Variants in DIP2A observed in about 807,000 individuals in gnomAD.
DIP2A encodes the protein disco-interacting protein 2 homolog A.
A neutral mutation model predicts 177.4 loss-of-function variants in DIP2A; 85 were observed. The ratio of observed to expected loss-of-function variants is 0.48; its 90% confidence interval spans 0.40 to 0.57. DIP2A has a LOEUF of 0.57. Among genes scored for constraint, DIP2A ranks in the 20% least tolerant of loss-of-function variants. The pLI is 0.00. For missense variants in DIP2A, 1,791 were observed against 2,100.2 expected (o/e 0.85, Z 2.88); for synonymous variants, 886 against 881.8 (o/e 1.00, Z -0.08).
rs1259873835 is a variant in DIP2A, at chr21:46,569,862, A to G, written c.*2240A>G. The G allele has an allele frequency of 6.6e-6, 1 of 152,212 alleles. No individual in the cohort carries two copies. The highest frequency in any genetic ancestry group is 6.5e-5 in the Admixed American group (1 of 15,280). The allele number at this position is 152,212 out of a possible 1,614,324, so 9.4% of individuals were successfully genotyped here. ...ATAAAGAAAATTAAAATTTCTTATA[A>G]TTCTACCTCTGAGTAAACAGCAGCA... On this transcript the variant is annotated 3_prime_UTR_variant, in exon 38 of 38. Transcript: ENST00000417564.
intron 3 of DIP2A, among the ~76,000 whole-genome samples, chr21:46,496,407 T>C (rs189973165): frequency 3.9e-5 from 6 of 152,350 alleles, no homozygotes; most frequent in Admixed American, 3.9e-4. Context: ...TAGATATTTC[T>C]GGAAGTAGAG....
intron 1 of DIP2A, among the ~76,000 whole-genome samples, chr21:46,482,913 A>G (rs950079243): frequency 1.3e-5 from 2 of 152,202 alleles, no homozygotes; most frequent in African/African-American, 4.8e-5. Flanking sequence ...TGCCTTCTAA[A>G]CCTTAAAAAG....
At chr21:46,512,639 T>C (rs200621105) in intron 8 of DIP2A, among the ~76,000 whole-genome samples, 1 of 1,164 alleles carries the variant, frequency 8.6e-4, no homozygotes, top group East Asian at 0.029. Flanking sequence ...CTTTCTTTTT[T>C]ATTTTTTTTC....
rs544183057 is a variant in DIP2A, at chr21:46,554,379, G to T, written c.3154+87G>T. On this transcript the variant is annotated intron_variant, in intron 26 of 37. Transcript: ENST00000417564. Reference sequence around the variant, plus strand: ...GCCCCCTAGACACTCCCTCCCCGAAGCATCTTCCAAAACTAAGCTCAGCCC... The same window carrying T: ...GCCCCCTAGACACTCCCTCCCCGAATCATCTTCCAAAACTAAGCTCAGCCC... 28 of 1,569,894 alleles carry T rather than the reference G, an allele frequency of 1.8e-5. No homozygotes were observed. In the South Asian group the frequency reaches 2.0e-4, roughly 11 times the overall value.
At chr21:46,494,328 A>G (rs1485788415) in intron 3 of DIP2A, among the ~76,000 whole-genome samples, 3 of 152,184 alleles carry the variant, frequency 2.0e-5, no homozygotes, top group African/African-American at 4.8e-5. Flanking sequence ...CATGCTTTTT[A>G]GGTCACTAGG....
At chr21:46,520,238 T>C (rs1374509461) in intron 8 of DIP2A, among the ~76,000 whole-genome samples, 1 of 152,180 alleles carries the variant, frequency 6.6e-6, no homozygotes, top group African/African-American at 2.4e-5. Context: ...TGTTAAAAGC[T>C]GTAAATAGCT....
chr21:46,515,533 G>T (rs1329366353), intron 8 of DIP2A, among the ~76,000 whole-genome samples: 2 of 151,038 alleles, frequency 1.3e-5, no homozygotes, highest in African/African-American at 4.9e-5. Flanking sequence ...TACTACCATT[G>T]TGTGTATTTA....
At chr21:46,528,831 G>A (rs2059235663) in intron 8 of DIP2A, among the ~76,000 whole-genome samples, 1 of 151,618 alleles carries the variant, frequency 6.6e-6, no homozygotes, top group Non-Finnish European at 1.5e-5. Context: ...ACCTGCCTCT[G>A]CTGGCTCTTC....
chr21:46,576,593 A>G, the DIP2A span, among the ~76,000 whole-genome samples: 3 of 152,178 alleles, frequency 2.0e-5, no homozygotes, highest in African/African-American at 4.8e-5. Flanking sequence ...ATACATGTGC[A>G]TATATTTTTG....
rs759016354 is a variant in DIP2A at position 46,565,861 on chromosome 21, G to T, written c.4313G>T (p.Arg1438Leu). The T allele has an allele frequency of 6.2e-6, 10 of 1,613,806 alleles. No individual in the cohort carries two copies. The highest frequency in any genetic ancestry group is 8.5e-6 in the Non-Finnish European group (10 of 1,179,896). The part of the protein sequence containing the change: ...ARTGYLGFLR[R>L]TELTDASGGR... ...ACCGGCTACCTTGGCTTCCTTCGGC[G>T]AACAGAGCTCACTGATGCCAGTGGA... The change falls in exon 36 of 38, where the codon CGA (arginine) becomes CTA (leucine). Residue 1438 changes from arginine (R) to leucine (L), a missense_variant. Coordinates refer to ENST00000417564, the MANE Select transcript of DIP2A (RefSeq NM_015151.4).
intron 9 of DIP2A, 57 bp downstream of exon 9, chr21:46,529,240 C>A: frequency 9.4e-7 from 1 of 1,059,832 alleles, no homozygotes; most frequent in South Asian, 1.5e-5. Flanking sequence ...CTTAAATAAT[C>A]TGTTTCATTG....
At chr21:46,495,229 CT>C (rs1313144772) in intron 3 of DIP2A, among the ~76,000 whole-genome samples, 768 of 66,164 alleles carry the variant, frequency 0.012, 1 homozygote, top group African/African-American at 0.021. Context: ...CTTCTCTTCT[CT>C]TCTCTTCTCT....
At chr21:46,540,368 G>A (rs2059763801) in intron 17 of DIP2A, among the ~76,000 whole-genome samples, 1 of 152,128 alleles carries the variant, frequency 6.6e-6, no homozygotes, top group Non-Finnish European at 1.5e-5. Flanking sequence ...GAAGCACCCG[G>A]CCTGGTGCTT....
At chr21:46,459,953 G>A (rs556057997) in intron 1 of DIP2A, among the ~76,000 whole-genome samples, 1 of 152,118 alleles carries the variant, frequency 6.6e-6, no homozygotes, top group Non-Finnish European at 1.5e-5. Flanking sequence ...GTCTGGGCTT[G>A]GTCTGGGCTT....
chr21:46,564,563 G>T lies in DIP2A; in HGVS notation c.4164+631G>T, dbSNP rs556870878. 3.3e-5 allele frequency among the ~76,000 whole-genome samples: 5 copies of T among 152,374 alleles called. No homozygotes were observed. The South Asian group carries it at 1.0e-3, about 32-fold the overall frequency. On this transcript the variant is annotated intron_variant, in intron 35 of 37. Coordinates refer to ENST00000417564, the MANE Select transcript of DIP2A (RefSeq NM_015151.4). ...ACGTGCAGTCCCGAATGTGCAGATT[G>T]ATCTGTTGTCATGGGAGCATAAGGA...
the DIP2A span, among the ~76,000 whole-genome samples, chr21:46,582,998 C>G: frequency 6.6e-6 from 1 of 152,164 alleles, no homozygotes; most frequent in Middle Eastern, 3.2e-3. Context: ...CAACTATATG[C>G]TGTCCACAGG....
At chr21:46,540,636 C>G (rs1227266732) in intron 17 of DIP2A, among the ~76,000 whole-genome samples, 1 of 152,156 alleles carries the variant, frequency 6.6e-6, no homozygotes, top group Non-Finnish European at 1.5e-5. Context: ...GTGTCTTAGC[C>G]TCAATTGTAA....
rs750687245 is a variant in DIP2A at position 46,554,310 on chromosome 21, C to T, written c.3154+18C>T. On this transcript the variant is annotated intron_variant, in intron 26 of 37. Transcript: ENST00000417564. ...CCCACCAGGTGGGCTCACTGTGGGGCTGTCCACCTGCAGCTCTTTGTAAGC... is the reference window on the plus strand; with the variant it reads ...CCCACCAGGTGGGCTCACTGTGGGGTTGTCCACCTGCAGCTCTTTGTAAGC... 4 of 1,612,642 alleles carry T rather than the reference C, an allele frequency of 2.5e-6. No homozygotes were observed. The highest frequency in any genetic ancestry group is 3.4e-6 in the Non-Finnish European group (4 of 1,179,134).
intron 8 of DIP2A, among the ~76,000 whole-genome samples, chr21:46,514,617 C>T (rs1194067524): frequency 4.2e-3 from 293 of 70,486 alleles, no homozygotes; most frequent in Middle Eastern, 0.024. Flanking sequence ...AACTTTTATT[C>T]TTTTTTTTTT....
Sources: allele counts gnomAD v4.1 joint callset (sites outside exome capture counted in the v4.1 genomes callset), GRCh38; gene constraint gnomAD v4.1.1; transcripts MANE v1.5; gene names NCBI Gene and HGNC (gene_info 2026-07-23, HGNC 2026-07-21).